ZBTB37: variants seen among roughly 807,000 people sequenced by gnomAD.
ZBTB37 encodes zinc finger and BTB domain-containing protein 37.
Under a neutral mutation model 37.7 loss-of-function variants are expected in ZBTB37, and 15 were observed. The ratio of observed to expected loss-of-function variants is 0.40; its 90% CI spans 0.27 to 0.61. The LOEUF (loss-of-function observed/expected upper bound fraction) is 0.61. Among genes scored for constraint, ZBTB37 ranks in the 20% least tolerant of loss-of-function variants. The pLI is 0.44. For synonymous variants in ZBTB37, 231 were observed against 220.6 expected, an observed-to-expected ratio of 1.05 and a Z score of -0.42; for missense variants, 514 against 641.9, an observed-to-expected ratio of 0.80 and a Z score of 2.15.
chr1:173,884,518 T>C (rs1265922976), intron 4 of ZBTB37, among the ~76,000 whole-genome samples: 2 of 152,120 alleles, frequency 1.3e-5, no homozygotes, highest in Non-Finnish European at 2.9e-5. Flanking sequence ...CCTCCCAGTT[T>C]TCGGATAAAA....
At chr1:173,884,136 C>T (rs60265316) in intron 4 of ZBTB37, among the ~76,000 whole-genome samples, 18,241 of 151,398 alleles carry the variant, frequency 0.12, 1,216 homozygotes, top group East Asian at 0.24. Context: ...GAACAAAAAG[C>T]ATTTCTAAAT....
At chr1:173,878,810 G>A (rs746305558) in intron 4 of ZBTB37, among the ~76,000 whole-genome samples, 5 of 152,142 alleles carry the variant, frequency 3.3e-5, no homozygotes, top group Non-Finnish European at 5.9e-5. Context: ...TAGGCTGGGC[G>A]CAGTGGCTCA....
exon 4 of ZBTB37, chr1:173,900,849 T>C (rs914268395): frequency 1.4e-4 from 22 of 152,342 alleles, no homozygotes; most frequent in African/African-American, 5.3e-4. Context: ...AGCAATAGCC[T>C]TTGAGACTCC....
exon 5 of ZBTB37, chr1:173,885,887 C>T: frequency 6.4e-7 from 1 of 1,551,868 alleles, no homozygotes. Context: ...AGCACACAGG[C>T]AACAAGCCCT....
rs535775796 is a variant in ZBTB37, at chr1:173,874,419, C to T, written c.1023+853C>T. Among the ~76,000 whole-genome samples, 17 of 150,868 alleles carry T rather than the reference C, an allele frequency of 1.1e-4. 1 individual carries two copies. Among genetic ancestry groups the T allele is most frequent in the African/African-American group, 3.7e-4 (15 of 41,032 alleles). On this transcript the variant is annotated intron_variant, in intron 4 of 4. Coordinates refer to ENST00000427304, the Ensembl canonical transcript of ZBTB37. ...TGCATGGAGTGCAGTGGTGCAATCT[C>T]GGCTCACTGCAAGCTCCACCTCCCG... is the stretch of plus-strand genomic sequence containing the variant.
At chr1:173,873,396 C>A in intron 3 of ZBTB37, 71 bp from the exon 4 acceptor site, 1 of 1,454,126 alleles carries the variant, frequency 6.9e-7, no homozygotes, top group South Asian at 1.5e-5. Flanking sequence ...TAAAGAGGGG[C>A]GACATCACCA....
chr1:173,873,479 C>T (rs1339163736), exon 4 of ZBTB37: 25 of 1,611,048 alleles, frequency 1.6e-5, no homozygotes, highest in Non-Finnish European at 2.0e-5. Flanking sequence ...TTAGCCCCTC[C>T]GGCAGTGTTG....
chr1:173,875,821 A>AT (rs1013331303), intron 4 of ZBTB37, among the ~76,000 whole-genome samples: 1 of 151,056 alleles, frequency 6.6e-6, no homozygotes, highest in Non-Finnish European at 1.5e-5. Context: ...TGCCCAGCTG[A>AT]TTTTTTTGTG....
exon 4 of ZBTB37, chr1:173,873,508 A>G: frequency 6.2e-7 from 1 of 1,613,986 alleles, no homozygotes. Flanking sequence ...ACAGAGAGAC[A>G]CAGAGCCAGA....
At chr1:173,872,437 A>G (rs1572050526) in intron 3 of ZBTB37, among the ~76,000 whole-genome samples, 1 of 152,126 alleles carries the variant, frequency 6.6e-6, no homozygotes, top group Non-Finnish European at 1.5e-5. Flanking sequence ...CAGTGGTGCA[A>G]TCTTGGCTCA....
exon 4 of ZBTB37, chr1:173,900,206 C>T (rs1291735823): frequency 6.7e-6 from 1 of 149,482 alleles, no homozygotes; most frequent in Non-Finnish European, 1.5e-5. Context: ...TTAACTTTCA[C>T]TTTTCTTGGA....
At chr1:173,882,288 C>CTGGA (rs1245938654) in intron 4 of ZBTB37, among the ~76,000 whole-genome samples, 1 of 126,136 alleles carries the variant, frequency 7.9e-6, no homozygotes, top group Admixed American at 9.6e-5. Flanking sequence ...GTCGTCCAGG[C>CTGGA]TGGAGTGCAG....
At chr1:173,889,025 C>G (rs1296914812), downstream of ZBTB37, 1 of 152,156 alleles carries the variant, frequency 6.6e-6, no homozygotes, top group Non-Finnish European at 1.5e-5. Flanking sequence ...TCCTGGTCAT[C>G]TAGGACCACT....
chr1:173,887,466 G>A (rs1039684299), downstream of ZBTB37: 1 of 152,120 alleles, frequency 6.6e-6, no homozygotes, highest in African/African-American at 2.4e-5. Flanking sequence ...GTCAGGTTTG[G>A]TTACTTAGTC....
At chr1:173,886,388 T>G (rs1159805268) in exon 5 of ZBTB37, 1 of 482,132 alleles carries the variant, frequency 2.1e-6, no homozygotes, top group African/African-American at 1.9e-5. Context: ...TTTGTTAACT[T>G]TATAAGAAAA....
At chr1:173,876,660 C>T (rs995299574) in intron 4 of ZBTB37, among the ~76,000 whole-genome samples, 8 of 152,038 alleles carry the variant, frequency 5.3e-5, no homozygotes, top group South Asian at 2.1e-4. Context: ...TAGTAATAGC[C>T]GTAAGACATT....
At chr1:173,883,951 AACTTTG>A (rs1423560772) in intron 4 of ZBTB37, among the ~76,000 whole-genome samples, 2 of 152,176 alleles carry the variant, frequency 1.3e-5, no homozygotes, top group Non-Finnish European at 2.9e-5. Flanking sequence ...CTCCAGAGTC[AACTTTG>A]ACATTTTCTT....
At chr1:173,891,799 C>T (rs572778010) in exon 4 of ZBTB37, 1 of 152,248 alleles carries the variant, frequency 6.6e-6, no homozygotes, top group African/African-American at 2.4e-5. Context: ...AGAATAATTG[C>T]TTCCCATTTG....
At chr1:173,874,269 A>AAG (rs1020646614) in intron 4 of ZBTB37, among the ~76,000 whole-genome samples, 4 of 151,930 alleles carry the variant, frequency 2.6e-5, no homozygotes, top group African/African-American at 9.7e-5. Flanking sequence ...AAAAAAAAAA[A>AAG]AAAAGAAATA....
Sources: allele counts gnomAD v4.1 joint callset (sites outside exome capture counted in the v4.1 genomes callset), GRCh38; gene constraint gnomAD v4.1.1; transcripts MANE v1.5; gene names NCBI Gene and HGNC (gene_info 2026-07-23, HGNC 2026-07-21).